The following SIL1 variants were observed in gnomAD, a reference collection of about 807,000 sequenced individuals.
SIL1 encodes the protein SIL1 nucleotide exchange factor.
In SIL1, 40 loss-of-function variants were observed where a neutral mutation model predicts 49.1. That is an observed-to-expected ratio of 0.81 (90% CI 0.63 to 1.06). SIL1 has a LOEUF of 1.06. Among genes scored for constraint, SIL1 ranks in the 50% least tolerant of loss-of-function variants. The pLI is 0.00. For synonymous variants in SIL1, 253 were observed against 250.8 expected, an observed-to-expected ratio of 1.01 and a Z score of -0.08; for missense variants, 500 against 572.6, an observed-to-expected ratio of 0.87 and a Z score of 1.29.
intron 7 of SIL1, among the ~76,000 whole-genome samples, chr5:138,984,709 C>T (rs1436563305): frequency 6.6e-6 from 1 of 152,030 alleles, no homozygotes; most frequent in Non-Finnish European, 1.5e-5. Flanking sequence ...GCATAGCCTC[C>T]CAAGTGGGAT....
chr5:138,956,154 T>C (rs1054054910), intron 7 of SIL1, among the ~76,000 whole-genome samples: 7 of 152,322 alleles, frequency 4.6e-5, no homozygotes, highest in African/African-American at 1.7e-4. Flanking sequence ...AAAACTATTA[T>C]TTTTCTTCTG....
intron 4 of SIL1, among the ~76,000 whole-genome samples, chr5:139,045,473 C>T (rs1171375951): frequency 6.6e-6 from 1 of 152,150 alleles, no homozygotes; most frequent in Non-Finnish European, 1.5e-5. Context: ...AGCCACATAG[C>T]CCAGAATGCC....
chr5:139,006,751 T>C (rs1352599802), intron 7 of SIL1, among the ~76,000 whole-genome samples: 3 of 149,706 alleles, frequency 2.0e-5, no homozygotes, highest in African/African-American at 7.3e-5. Context: ...CTCAGGTTTG[T>C]CAAAGATCAG....
At chr5:138,961,749 A>G (rs984572476) in intron 7 of SIL1, among the ~76,000 whole-genome samples, 1 of 152,054 alleles carries the variant, frequency 6.6e-6, no homozygotes, top group African/African-American at 2.4e-5. Context: ...TGTTCCCTGC[A>G]GTAATCACTC....
chr5:139,161,795 T>C (rs1413085215), intron 1 of SIL1, among the ~76,000 whole-genome samples: 1 of 151,978 alleles, frequency 6.6e-6, no homozygotes, highest in Non-Finnish European at 1.5e-5. Context: ...GGTGGGCAGA[T>C]TGAGTCCAGG....
chr5:139,124,368 G>T (rs996742555), intron 2 of SIL1, among the ~76,000 whole-genome samples: 1 of 152,178 alleles, frequency 6.6e-6, no homozygotes, highest in Non-Finnish European at 1.5e-5. Context: ...TCCTGTCACT[G>T]TTCAAAATGT....
At chr5:139,073,910 A>C (rs1769888041) in intron 3 of SIL1, among the ~76,000 whole-genome samples, 1 of 152,114 alleles carries the variant, frequency 6.6e-6, no homozygotes, top group African/African-American at 2.4e-5. Flanking sequence ...CAAAAAAAAA[A>C]ATACATAAAT....
chr5:138,966,512 G>A (rs1767145202), intron 7 of SIL1, among the ~76,000 whole-genome samples: 1 of 152,054 alleles, frequency 6.6e-6, no homozygotes, highest in Non-Finnish European at 1.5e-5. Context: ...CGGGTGTAGG[G>A]GGGTGGTGAC....
At chr5:139,064,915 T>C (rs1178471007) in intron 3 of SIL1, among the ~76,000 whole-genome samples, 1 of 152,200 alleles carries the variant, frequency 6.6e-6, no homozygotes, top group East Asian at 1.9e-4. Context: ...GCATAGGAGA[T>C]GCTCAGAGCT....
intron 7 of SIL1, among the ~76,000 whole-genome samples, chr5:138,961,603 G>T (rs1767020778): frequency 6.6e-6 from 1 of 151,866 alleles, no homozygotes; most frequent in Non-Finnish European, 1.5e-5. Flanking sequence ...CCCATCTGGT[G>T]CTCCTGACAC....
At chr5:139,130,776 G>A (rs1040664570) in intron 1 of SIL1, among the ~76,000 whole-genome samples, 2 of 152,122 alleles carry the variant, frequency 1.3e-5, no homozygotes, top group African/African-American at 4.8e-5. Flanking sequence ...TACATACAAT[G>A]GAATATTATT....
rs141899994 is a variant in SIL1 at position 138,956,380 on chromosome 5, T to C, written c.768-4496A>G. The stretch of plus-strand genomic sequence containing the variant: ...GCAGGATGTGTAATCCTGAAATAGA[T>C]GGGTTCAAGAGACATCTATATTTGC... On this transcript the variant is annotated intron_variant, in intron 7 of 9. Transcript: ENST00000394817. Among the ~76,000 whole-genome samples, 856 of 152,292 alleles carry C rather than the reference T, an allele frequency of 5.6e-3. 11 individuals carry two copies. The highest frequency in any genetic ancestry group is 0.02 in the African/African-American group (817 of 41,564).
intron 1 of SIL1, among the ~76,000 whole-genome samples, chr5:139,156,265 T>A (rs1441309030): frequency 2.0e-5 from 3 of 152,258 alleles, no homozygotes; most frequent in Non-Finnish European, 4.4e-5. Context: ...GATAATCATT[T>A]TTATTTTACA....
chr5:139,080,168 T>C (rs1770042026), intron 3 of SIL1, among the ~76,000 whole-genome samples: 1 of 152,196 alleles, frequency 6.6e-6, no homozygotes, highest in Non-Finnish European at 1.5e-5. Flanking sequence ...TGGATACAGA[T>C]TTTACCACCC....
chr5:139,117,872 A>G (rs762669328), intron 3 of SIL1, among the ~76,000 whole-genome samples: 1 of 152,134 alleles, frequency 6.6e-6, no homozygotes, highest in Non-Finnish European at 1.5e-5. Flanking sequence ...GGGAAGGCCC[A>G]CGAAGTCATG....
intron 2 of SIL1, among the ~76,000 whole-genome samples, chr5:139,127,101 G>A (rs535568984): frequency 6.6e-6 from 1 of 152,332 alleles, no homozygotes; most frequent in East Asian, 1.9e-4. Flanking sequence ...TCCTGCCAGT[G>A]GCAATGGCAG....
intron 7 of SIL1, among the ~76,000 whole-genome samples, chr5:139,010,517 C>G (rs1768231743): frequency 6.6e-6 from 1 of 152,188 alleles, no homozygotes; most frequent in Non-Finnish European, 1.5e-5. Flanking sequence ...GAGCTGCATT[C>G]CTTTGGAGGA....
chr5:139,041,821 A>C (rs898988887), intron 5 of SIL1, among the ~76,000 whole-genome samples: 33 of 151,082 alleles, frequency 2.2e-4, no homozygotes, highest in Non-Finnish European at 2.8e-4. Context: ...TCAAAAACAA[A>C]AAAAAAAAAA....
chr5:138,974,125 A>G (rs1272287512), intron 7 of SIL1, among the ~76,000 whole-genome samples: 1 of 152,200 alleles, frequency 6.6e-6, no homozygotes, highest in Admixed American at 6.5e-5. Flanking sequence ...ACTCCAGGAT[A>G]CACTAACATT....
Sources: gnomAD v4.1 joint callset for allele counts (sites outside exome capture counted in the v4.1 genomes callset) on GRCh38, gnomAD v4.1.1 for gene constraint, MANE v1.5 for transcripts, NCBI Gene and HGNC (gene_info 2026-07-23, HGNC 2026-07-21) for gene names.